The following TIMP3 variants were observed in gnomAD, a reference collection of about 807,000 sequenced individuals.
TIMP3 encodes TIMP metallopeptidase inhibitor 3, also known as metalloproteinase inhibitor 3.
A neutral mutation model predicts 30.0 loss-of-function variants in TIMP3; 11 were observed. The observed-to-expected ratio is 0.37, with a 90% CI of 0.23 to 0.61. TIMP3 has a LOEUF of 0.61. TIMP3 is among the 20% of genes least tolerant of loss of function. The pLI is 0.70. For synonymous variants in TIMP3, 112 were observed against 111.3 expected, an observed-to-expected ratio of 1.01 and a Z score of -0.04; for missense variants, 181 against 276.8, an observed-to-expected ratio of 0.65 and a Z score of 2.45.
chr22:32,847,951 C>T (rs991520474), intron 1 of TIMP3, among the ~76,000 whole-genome samples: 21 of 152,226 alleles, frequency 1.4e-4, no homozygotes, highest in African/African-American at 4.1e-4. Context: ...CTAATGGCAG[C>T]CCCCCTGCCT....
chr22:32,857,644 C>T (rs1161942313), intron 3 of TIMP3, among the ~76,000 whole-genome samples: 1 of 152,186 alleles, frequency 6.6e-6, no homozygotes, highest in East Asian at 1.9e-4. Context: ...TTCCTCTCCA[C>T]CTCACACTCG....
chr22:32,817,071 A>AG (rs1247497076), intron 1 of TIMP3, among the ~76,000 whole-genome samples: 2 of 151,238 alleles, frequency 1.3e-5, no homozygotes, highest in Non-Finnish European at 2.9e-5. Flanking sequence ...TTAAAAAAAA[A>AG]AAAAAGAAAA....
intron 1 of TIMP3, among the ~76,000 whole-genome samples, chr22:32,832,308 G>A (rs928410768): frequency 1.3e-5 from 2 of 152,218 alleles, no homozygotes; most frequent in Non-Finnish European, 2.9e-5. Flanking sequence ...GGAAATGCAT[G>A]AGTTAGAAAT....
intron 1 of TIMP3, among the ~76,000 whole-genome samples, chr22:32,846,282 C>G (rs2051423789): frequency 6.6e-6 from 1 of 152,206 alleles, no homozygotes; most frequent in South Asian, 2.1e-4. Context: ...CTTGTTCTGA[C>G]TACTTCATCT....
At chr22:32,840,613 A>T (rs1226723019) in intron 1 of TIMP3, among the ~76,000 whole-genome samples, 1 of 151,558 alleles carries the variant, frequency 6.6e-6, no homozygotes, top group Non-Finnish European at 1.5e-5. Flanking sequence ...ATTCTGCCTC[A>T]CTTCCAGCTG....
chr22:32,811,839 G>A (rs1023061710), intron 1 of TIMP3, among the ~76,000 whole-genome samples: 4 of 152,188 alleles, frequency 2.6e-5, no homozygotes, highest in Non-Finnish European at 5.9e-5. Flanking sequence ...ATCTGGTGCT[G>A]CCCTTCCCTC....
At chr22:32,812,352 A>G (rs2046937818) in intron 1 of TIMP3, among the ~76,000 whole-genome samples, 1 of 152,196 alleles carries the variant, frequency 6.6e-6, no homozygotes, top group Non-Finnish European at 1.5e-5. Context: ...CAAAACCTCT[A>G]GTGAGCTGAG....
At chr22:32,851,859 C>T (rs1219737373) in intron 2 of TIMP3, among the ~76,000 whole-genome samples, 1 of 152,160 alleles carries the variant, frequency 6.6e-6, no homozygotes, top group Non-Finnish European at 1.5e-5. Flanking sequence ...TCCAGAGACA[C>T]CACTGGAATC....
At chr22:32,820,380 T>G (rs1044948016) in intron 1 of TIMP3, among the ~76,000 whole-genome samples, 2 of 135,994 alleles carry the variant, frequency 1.5e-5, no homozygotes, top group Non-Finnish European at 3.2e-5. Context: ...GTGTGTGTGG[T>G]GTGTTCTACT....
chr22:32,852,020 AATT>A lies in TIMP3; in HGVS notation c.204+2489_204+2491del, dbSNP rs1196898229. Among the ~76,000 whole-genome samples, 3 of 152,328 alleles carry A rather than the reference AATT, an allele frequency of 2.0e-5. No homozygotes were observed. The East Asian group carries it at 5.8e-4, about 29-fold the overall frequency. On this transcript the variant is annotated intron_variant, in intron 2 of 4. Coordinates refer to ENST00000266085, the MANE Select transcript of TIMP3 (RefSeq NM_000362.5). ...GGGATACAAAGATAACACTGCTTATAATTATGATAAGACTTGGCATCAGTTAAC... is the reference window on the plus strand; with the variant it reads ...GGGATACAAAGATAACACTGCTTATAATGATAAGACTTGGCATCAGTTAAC...
At chr22:32,824,878 A>T (rs1292338116) in intron 1 of TIMP3, among the ~76,000 whole-genome samples, 2 of 152,222 alleles carry the variant, frequency 1.3e-5, no homozygotes. Context: ...CATGACAACC[A>T]GAGTACTTTT....
intron 1 of TIMP3, among the ~76,000 whole-genome samples, chr22:32,822,995 G>A (rs1194844177): frequency 6.6e-6 from 1 of 152,150 alleles, no homozygotes; most frequent in African/African-American, 2.4e-5. Flanking sequence ...CTGAATGTCT[G>A]TATACTAAAT....
intron 1 of TIMP3, among the ~76,000 whole-genome samples, chr22:32,827,449 C>T (rs985076794): frequency 6.6e-6 from 1 of 152,236 alleles, no homozygotes; most frequent in Non-Finnish European, 1.5e-5. Context: ...CCTACTTGTA[C>T]AAATGGATTT....
At chr22:32,853,631 C>T (rs1053901560) in intron 2 of TIMP3, among the ~76,000 whole-genome samples, 11 of 152,180 alleles carry the variant, frequency 7.2e-5, no homozygotes, top group African/African-American at 2.7e-4. Context: ...AAGAACAACC[C>T]ACTTATGTCT....
At position 32,818,043 on chromosome 22, in the gene TIMP3, T is replaced by C. The variant is rs144922738; in HGVS notation, c.121+15921T>C. 8.5e-5 allele frequency among the ~76,000 whole-genome samples: 13 copies of C among 152,344 alleles called. No homozygotes were observed. In the East Asian group the frequency reaches 2.3e-3, roughly 27 times the overall value. On this transcript the variant is annotated intron_variant, in intron 1 of 4. Transcript: ENST00000266085. Reference sequence around the variant, plus strand: ...AAATTCTCCTAAAAGCTATCTTGGATCATTAGAACACTTGCCCTAGAGTAT... The same window carrying C: ...AAATTCTCCTAAAAGCTATCTTGGACCATTAGAACACTTGCCCTAGAGTAT...
chr22:32,841,527 G>T (rs200052366), intron 1 of TIMP3, among the ~76,000 whole-genome samples: 2 of 152,178 alleles, frequency 1.3e-5, no homozygotes, highest in East Asian at 3.9e-4. Flanking sequence ...AGCCCCGGGT[G>T]CAGGGAAGGC....
chr22:32,851,293 G>A (rs982569701), intron 2 of TIMP3, among the ~76,000 whole-genome samples: 2 of 152,164 alleles, frequency 1.3e-5, no homozygotes, highest in African/African-American at 2.4e-5. Context: ...AGCTGAGAGG[G>A]AAATAGCTGG....
At chr22:32,823,616 A>T (rs949888653) in intron 1 of TIMP3, among the ~76,000 whole-genome samples, 4 of 152,162 alleles carry the variant, frequency 2.6e-5, no homozygotes, top group Non-Finnish European at 5.9e-5. Flanking sequence ...TGCCAAGAGC[A>T]ACTTAGGGGG....
Position 32,801,834 on chromosome 22 carries a change from G to A in TIMP3, c.-168G>A. ...GCCAGCGCCGAGGCAGCCTCGCTGC[G>A]CCCCATCCCGTCCCGCCGGGCACTC... On this transcript the variant is annotated 5_prime_UTR_variant, in exon 1 of 5. Coordinates refer to ENST00000266085, the MANE Select transcript of TIMP3 (RefSeq NM_000362.5). The surrounding 1 kb of genome is among the most constrained non-coding windows in gnomAD (Gnocchi z 4.7). 1 of 814,772 alleles carries A rather than the reference G, an allele frequency of 1.2e-6. No individual in the cohort carries two copies. Among genetic ancestry groups the A allele is most frequent in the Non-Finnish European group, 1.6e-6 (1 of 622,586 alleles). 50.5% of individuals were successfully genotyped at this position (814,772 alleles called of 1,614,324 possible). A position where few individuals can be genotyped will look rare whatever the true frequency, so the allele number is the denominator to read the frequency against.
Sources: allele counts gnomAD v4.1 joint callset (sites outside exome capture counted in the v4.1 genomes callset), GRCh38; gene constraint gnomAD v4.1.1; non-coding constraint Gnocchi (gnomAD v3.1); transcripts MANE v1.5; gene names NCBI Gene and HGNC (gene_info 2026-07-23, HGNC 2026-07-21).